NCAPG: variants seen among roughly 807,000 people sequenced by gnomAD.
The protein encoded by NCAPG is condensin complex subunit 3.
Under a neutral mutation model 113.1 loss-of-function variants are expected in NCAPG, and 69 were observed. The ratio of observed to expected loss-of-function variants is 0.61; its 90% CI spans 0.50 to 0.75. The LOEUF is 0.75. Among genes scored for constraint, NCAPG ranks in the 30% least tolerant of loss-of-function variants. The probability of loss-of-function intolerance (pLI) is 0.00; values close to 1 mark genes in which losing one functional copy is unlikely to be tolerated. For missense variants in NCAPG, 1,058 were observed against 1,177.0 expected (o/e 0.90, Z 1.48); for synonymous variants, 370 against 415.8 (o/e 0.89, Z 1.34).
At chr4:17,827,784 T>G (rs1371835901) in intron 11 of NCAPG, among the ~76,000 whole-genome samples, 1 of 150,320 alleles carries the variant, frequency 6.7e-6, no homozygotes, top group Non-Finnish European at 1.5e-5. Flanking sequence ...GAGGTGATAA[T>G]TAGGCAAGAT....
intron 16 of NCAPG, among the ~76,000 whole-genome samples, chr4:17,838,072 A>T (rs10489041): frequency 0.049 from 7,517 of 152,284 alleles, 631 homozygotes; most frequent in African/African-American, 0.17. Flanking sequence ...GTTAATCTGA[A>T]GTAATAACCT....
intron 12 of NCAPG, among the ~76,000 whole-genome samples, chr4:17,829,092 C>T (rs999357858): frequency 6.6e-6 from 1 of 152,094 alleles, no homozygotes; most frequent in African/African-American, 2.4e-5. Flanking sequence ...GTTTTGCATA[C>T]TAAGTCTTAT....
In NCAPG at chr4:17,834,305, C is replaced by T. The variant is rs1327035985; in HGVS notation, c.1891C>T (p.Gln631Ter). ...GGGGAATATCTTGATTTAGGTTTTG[C>T]AAATTGATGATGTCACAATAAAAAT... ...KHFVLLLQVL[Q>*]IDDVTIKISA... Residue 631 changes from glutamine (Q) to a stop codon, truncating the protein, a stop_gained, in exon 14 of 21, where the codon CAA (glutamine) becomes TAA (stop). Transcript: ENST00000251496. LOFTEE classifies it high-confidence loss of function. 1.9e-6 allele frequency: 3 copies of T among 1,576,244 alleles called. No homozygotes were observed. Among genetic ancestry groups the T allele is most frequent in the Non-Finnish European group, 2.6e-6 (3 of 1,161,852 alleles).
chr4:17,836,393 CTT>C (rs924958356), intron 14 of NCAPG, among the ~76,000 whole-genome samples: 2 of 151,952 alleles, frequency 1.3e-5, no homozygotes, highest in African/African-American at 4.8e-5. Flanking sequence ...TACAGGTTGT[CTT>C]TTTACTTTCT....
chr4:17,823,154 T>C (rs1721528038), intron 8 of NCAPG, 31 bp downstream of exon 8: 3 of 1,584,564 alleles, frequency 1.9e-6, no homozygotes, highest in Non-Finnish European at 2.6e-6. Flanking sequence ...TCATTCTAAT[T>C]TGCCCTTCTA....
chr4:17,836,026 G>A (rs1722079585), intron 14 of NCAPG, among the ~76,000 whole-genome samples: 1 of 152,046 alleles, frequency 6.6e-6, no homozygotes, highest in South Asian at 2.1e-4. Context: ...TAACTTTTTG[G>A]GAACTTGACA....
chr4:17,823,046 T>C lies in NCAPG; in HGVS notation c.1182T>C (p.Asn394=), dbSNP rs969508015. 6.2e-7 allele frequency: 1 copy of C among 1,609,828 alleles called. No individual in the cohort carries two copies. The highest frequency in any genetic ancestry group is 1.3e-5 in the African/African-American group (1 of 74,662). ...EHRGDFSYIG[N]LMTKEFIGQQ... is the part of the protein sequence containing the mutation. ...GAGGTGATTTTTCCTATATTGGAAA[T>C]TTGATGACAAAAGAATTCATAGGTC... Residue 394 remains asparagine (N), a synonymous_variant, in exon 8 of 21, where the codon AAT becomes AAC. Coordinates refer to ENST00000251496, the MANE Select transcript of NCAPG (RefSeq NM_022346.5).
chr4:17,841,484 T>C (rs2109070688), intron 19 of NCAPG: 1 of 152,100 alleles, frequency 6.6e-6, no homozygotes, highest in South Asian at 2.1e-4. Flanking sequence ...TTGGATGTTT[T>C]CTTGGGGATA....
chr4:17,826,622 C>T (rs10489040), intron 11 of NCAPG, among the ~76,000 whole-genome samples: 17,617 of 152,158 alleles, frequency 0.12, 1,137 homozygotes, highest in South Asian at 0.24. Flanking sequence ...TGGTTAATAT[C>T]GTCTGTTTAA....
Position 17,812,806 on chromosome 4 carries a change from A to G in NCAPG, c.316-111A>G. The G allele has an allele frequency of 4.6e-6, 4 of 872,696 alleles. No individual in the cohort carries two copies. In the South Asian group the frequency reaches 6.7e-5, roughly 15 times the overall value. 54.1% of individuals were successfully genotyped at this position (872,696 alleles called of 1,614,324 possible). On this transcript the variant is annotated intron_variant, in intron 2 of 20. Coordinates refer to ENST00000251496, the MANE Select transcript of NCAPG (RefSeq NM_022346.5). Reference sequence around the variant, plus strand: ...TAGCATTATAGGTTCTCTTCAGGAAATGAATTGTTGTTGTAACTTCTTGCA... The same window carrying G: ...TAGCATTATAGGTTCTCTTCAGGAAGTGAATTGTTGTTGTAACTTCTTGCA...
At chr4:17,822,096 A>C (rs1284650754) in intron 7 of NCAPG, among the ~76,000 whole-genome samples, 1 of 152,120 alleles carries the variant, frequency 6.6e-6, no homozygotes, top group Non-Finnish European at 1.5e-5. Flanking sequence ...GATTTTTTTC[A>C]AAAAAGATAA....
At chr4:17,815,677 A>T (rs1306402468) in intron 5 of NCAPG, among the ~76,000 whole-genome samples, 2 of 152,210 alleles carry the variant, frequency 1.3e-5, no homozygotes, top group African/African-American at 4.8e-5. Flanking sequence ...GGTGAACATC[A>T]CCATGTCTGG....
chr4:17,814,509 G>T (rs1159480399), intron 3 of NCAPG, among the ~76,000 whole-genome samples: 1 of 152,222 alleles, frequency 6.6e-6, no homozygotes, highest in Non-Finnish European at 1.5e-5. Flanking sequence ...ACTCGGGCTG[G>T]ATTGCAGAGG....
At chr4:17,823,276 C>A in intron 8 of NCAPG, 153 bp downstream of exon 8, 1 of 601,472 alleles carries the variant, frequency 1.7e-6, no homozygotes, top group Non-Finnish European at 2.7e-6. Context: ...TCCATATATA[C>A]ACATACATTT....
intron 16 of NCAPG, 146 bp from the exon 17 acceptor site, chr4:17,839,530 T>A (rs1036943430): frequency 9.9e-6 from 5 of 507,210 alleles, no homozygotes; most frequent in African/African-American, 8.1e-5. Flanking sequence ...ATTTTGGGGG[T>A]AGGGAGGATG....
At chr4:17,831,249 T>G in intron 13 of NCAPG, 133 bp downstream of exon 13, 1 of 1,007,752 alleles carries the variant, frequency 9.9e-7, no homozygotes, top group Non-Finnish European at 1.4e-6. Flanking sequence ...GGAGACACAA[T>G]ACTTTTATCT....
At chr4:17,840,880 T>A (rs1299670349) in intron 19 of NCAPG, among the ~76,000 whole-genome samples, 187 bp downstream of exon 19, 1 of 152,038 alleles carries the variant, frequency 6.6e-6, no homozygotes, top group African/African-American at 2.4e-5. Flanking sequence ...GTCTAAAGAT[T>A]ATAAAATCAG....
intron 14 of NCAPG, 120 bp from the exon 15 acceptor site, chr4:17,837,039 T>G: frequency 2.6e-6 from 2 of 782,486 alleles, no homozygotes; most frequent in East Asian, 5.7e-5. Context: ...TTTAAAGAAT[T>G]TGTAATAACT....
intron 7 of NCAPG, among the ~76,000 whole-genome samples, chr4:17,820,558 C>T (rs541945823): frequency 6.6e-5 from 10 of 151,986 alleles, no homozygotes; most frequent in Non-Finnish European, 1.5e-4. Flanking sequence ...GCCGAGATCG[C>T]GCCACTGCAC....
Sources: allele counts gnomAD v4.1 joint callset (sites outside exome capture counted in the v4.1 genomes callset), GRCh38; gene constraint gnomAD v4.1.1; transcripts MANE v1.5; gene names NCBI Gene and HGNC (gene_info 2026-07-23, HGNC 2026-07-21).